Variants in ANK3 observed in about 807,000 individuals in gnomAD.
ANK3 encodes the protein ankyrin-3.
In ANK3, 57 loss-of-function variants were observed where a neutral mutation model predicts 370.9. That is an observed-to-expected ratio of 0.15 (90% confidence interval 0.12 to 0.19). The LOEUF (loss-of-function observed/expected upper bound fraction) is 0.19. Among genes scored for constraint, ANK3 ranks in the 10% least tolerant of loss-of-function variants. The pLI, the probability that ANK3 is intolerant of heterozygous loss-of-function variation, is 1.00. For missense variants in ANK3, 4,439 were observed against 5,302.1 expected (o/e 0.84, Z 5.06); for synonymous variants, 1,929 against 1,946.3 (o/e 0.99, Z 0.23).
chr10:60,698,087 C>T (rs1172979342), intron 1 of ANK3, among the ~76,000 whole-genome samples: 33 of 152,014 alleles, frequency 2.2e-4, no homozygotes, highest in African/African-American at 6.8e-4. Flanking sequence ...AAAAAGTGGG[C>T]GAAGGACATG....
At chr10:60,262,025 T>G in intron 6 of ANK3, 68 bp from the exon 7 acceptor site, 1 of 1,332,902 alleles carries the variant, frequency 7.5e-7, no homozygotes, top group Non-Finnish European at 1.1e-6. Context: ...GCAAATATCA[T>G]AACCCTGCCC....
At chr10:60,506,845 A>AT (rs911373621) in intron 2 of ANK3, among the ~76,000 whole-genome samples, 9 of 151,922 alleles carry the variant, frequency 5.9e-5, no homozygotes, top group African/African-American at 1.7e-4. Flanking sequence ...TTACATCCAA[A>AT]TTTTTTTTAA....
intron 2 of ANK3, among the ~76,000 whole-genome samples, chr10:60,549,228 T>C (rs2077038189): frequency 6.6e-6 from 1 of 151,912 alleles, no homozygotes; most frequent in African/African-American, 2.4e-5. Flanking sequence ...TTCCAGGAAA[T>C]GTTAGACACC....
intron 2 of ANK3, among the ~76,000 whole-genome samples, chr10:60,479,107 G>A (rs1166289442): frequency 6.6e-6 from 1 of 151,950 alleles, no homozygotes; most frequent in East Asian, 1.9e-4. Flanking sequence ...CTGAACTTTG[G>A]TTGTCCTAGG....
At chr10:60,355,947 C>T (rs1255552796) in intron 1 of ANK3, among the ~76,000 whole-genome samples, 3 of 152,154 alleles carry the variant, frequency 2.0e-5, no homozygotes, top group East Asian at 1.9e-4. Flanking sequence ...CCAGTTATTT[C>T]GGAGTGTTTT....
chr10:60,295,710 G>C (rs1593226054), intron 1 of ANK3, among the ~76,000 whole-genome samples: 1 of 151,842 alleles, frequency 6.6e-6, no homozygotes, highest in South Asian at 2.1e-4. Flanking sequence ...TTGATTATGA[G>C]GATTATAACT....
At chr10:60,696,175 A>G (rs1393084317) in intron 1 of ANK3, among the ~76,000 whole-genome samples, 3 of 149,982 alleles carry the variant, frequency 2.0e-5, no homozygotes, top group Non-Finnish European at 4.4e-5. Context: ...ATTCCTCGAC[A>G]CATACACTCT....
chr10:60,382,669 G>A (rs976038906), intron 1 of ANK3, among the ~76,000 whole-genome samples: 3 of 151,786 alleles, frequency 2.0e-5, no homozygotes, highest in African/African-American at 4.8e-5. Flanking sequence ...ATATAAACTA[G>A]AACAACAATT....
intron 33 of ANK3, among the ~76,000 whole-genome samples, chr10:60,083,050 T>C (rs1031522634): frequency 3.3e-5 from 5 of 152,166 alleles, no homozygotes; most frequent in African/African-American, 1.2e-4. Context: ...TTTGCAACAG[T>C]AACAGCAAAT....
intron 1 of ANK3, among the ~76,000 whole-genome samples, chr10:60,388,355 T>C (rs1048890929): frequency 6.6e-6 from 1 of 152,182 alleles, no homozygotes; most frequent in African/African-American, 2.4e-5. Context: ...GGAATATTCA[T>C]GGTCACTCCT....
At chr10:60,114,614 C>T (rs1565105702) in intron 25 of ANK3, among the ~76,000 whole-genome samples, 1 of 152,164 alleles carries the variant, frequency 6.6e-6, no homozygotes, top group Non-Finnish European at 1.5e-5. Flanking sequence ...TGATTTTAAG[C>T]ACATGTCACA....
chr10:60,431,703 C>G (rs1474122914), intron 2 of ANK3, among the ~76,000 whole-genome samples: 1 of 151,874 alleles, frequency 6.6e-6, no homozygotes, highest in Non-Finnish European at 1.5e-5. Context: ...ATGTAGGTGA[C>G]GGGTGGGAGG....
At position 60,031,317 on chromosome 10, in the gene ANK3, G is replaced by A. The variant is rs150668952; in HGVS notation, c.*20-1491C>T. Reference sequence around the variant, plus strand: ...TTTTAGTGGAGGCTCCACTGAGAATGTCTTGTCTTGCTGGAAGATTCCTGC... The same window carrying A: ...TTTTAGTGGAGGCTCCACTGAGAATATCTTGTCTTGCTGGAAGATTCCTGC... On this transcript the variant is annotated intron_variant, in intron 43 of 43. Transcript: ENST00000280772. Among the ~76,000 whole-genome samples, 20 of 152,316 alleles carry A rather than the reference G, an allele frequency of 1.3e-4. No homozygotes were observed. In the East Asian group the frequency reaches 3.7e-3, roughly 28 times the overall value.
Position 60,070,368 on chromosome 10 carries a change from G to T in ANK3, c.10513C>A (p.Leu3505Met). The T allele has an allele frequency of 6.2e-7, 1 of 1,614,076 alleles. No homozygotes were observed. Among genetic ancestry groups the T allele is most frequent in the Non-Finnish European group, 8.5e-7 (1 of 1,179,998 alleles). The change falls in exon 37 of 44, where the codon CTG becomes ATG. Residue 3505 changes from leucine (L) to methionine (M), a missense_variant. Leu to Met is a conservative substitution (Grantham distance 15). This residue lies in a region of ANK3 where 1,601 missense variants were observed against 1,731.7 expected (regional missense o/e 0.92). Transcript: ENST00000280772. The surrounding 1 kb of genome is among the most constrained non-coding windows in gnomAD (Gnocchi z 5.7). ...DQKSGAQFFTLEGRHPDRSVF... is the reference protein window; with the variant it reads ...DQKSGAQFFTMEGRHPDRSVF... ...GATCTGTCAGGATGTCTGCCTTCCAGTGTGAAGAACTGGGCCCCTGACTTC... is the reference window on the plus strand; with the variant it reads ...GATCTGTCAGGATGTCTGCCTTCCATTGTGAAGAACTGGGCCCCTGACTTC...
intron 43 of ANK3, among the ~76,000 whole-genome samples, chr10:60,032,972 G>C (rs1183079115): frequency 1.3e-5 from 2 of 152,198 alleles, no homozygotes; most frequent in Non-Finnish European, 2.9e-5. Flanking sequence ...AGCGCCATCT[G>C]ATGGGAAGGT....
At chr10:60,511,911 T>C (rs941681193) in intron 2 of ANK3, among the ~76,000 whole-genome samples, 12 of 151,916 alleles carry the variant, frequency 7.9e-5, no homozygotes, top group Admixed American at 3.3e-4. Context: ...CATTTAAAGG[T>C]CTCAATTCTT....
intron 2 of ANK3, among the ~76,000 whole-genome samples, chr10:60,476,683 A>T (rs761376171): frequency 1.1e-4 from 17 of 152,134 alleles, no homozygotes; most frequent in Non-Finnish European, 2.4e-4. Flanking sequence ...TATAAATTGG[A>T]TTTACAGCCA....
intron 1 of ANK3, among the ~76,000 whole-genome samples, chr10:60,623,842 C>T (rs1340468417): frequency 6.6e-6 from 1 of 152,160 alleles, no homozygotes; most frequent in Non-Finnish European, 1.5e-5. Flanking sequence ...TAGGCCACCT[C>T]TCAGAGTCTA....
intron 29 of ANK3, among the ~76,000 whole-genome samples, 177 bp from the exon 30 acceptor site, chr10:60,087,061 A>G (rs1184867040): frequency 1.3e-5 from 2 of 151,670 alleles, no homozygotes; most frequent in Non-Finnish European, 2.9e-5. Context: ...TGAATAAACG[A>G]AACCAAACAC....
Sources: gnomAD v4.1 joint callset for allele counts (sites outside exome capture counted in the v4.1 genomes callset) on GRCh38, gnomAD v4.1.1 for gene constraint, gnomAD v4.1.1 regional missense constraint, Gnocchi (gnomAD v3.1) non-coding constraint, MANE v1.5 for transcripts, NCBI Gene and HGNC (gene_info 2026-07-23, HGNC 2026-07-21) for gene names.